The following FRMD4B variants were observed in gnomAD, a reference collection of about 807,000 sequenced individuals.
The protein encoded by FRMD4B is FERM domain containing 4B.
In FRMD4B, 74 loss-of-function variants were observed where a neutral mutation model predicts 141.5. The ratio of observed to expected loss-of-function variants is 0.52; its 90% CI spans 0.43 to 0.63. The LOEUF (loss-of-function observed/expected upper bound fraction) is 0.63, where lower values mean the gene tolerates loss of function less well. Ranked by LOEUF, FRMD4B falls within the 30% of genes least tolerant of loss-of-function variation. FRMD4B has a pLI of 0.00. For missense variants in FRMD4B, 1,366 were observed against 1,253.4 expected (o/e 1.09, Z -1.36); for synonymous variants, 506 against 467.9 (o/e 1.08, Z -1.05).
chr3:69,359,704 T>C (rs1157025813), intron 1 of FRMD4B, among the ~76,000 whole-genome samples: 3 of 152,198 alleles, frequency 2.0e-5, no homozygotes, highest in African/African-American at 4.8e-5. Context: ...GCAGGCATGA[T>C]AGGGGTTTCC....
chr3:69,222,199 G>A (rs1046466535), intron 8 of FRMD4B, among the ~76,000 whole-genome samples: 7 of 152,046 alleles, frequency 4.6e-5, no homozygotes, highest in Admixed American at 3.3e-4. Flanking sequence ...ACAGCCAGGC[G>A]TGGTGGCTCA....
intron 1 of FRMD4B, among the ~76,000 whole-genome samples, chr3:69,372,439 C>T (rs768377447): frequency 2.0e-5 from 3 of 152,250 alleles, no homozygotes; most frequent in African/African-American, 7.2e-5. Flanking sequence ...CTGAAGTGGG[C>T]GGATCACCCG....
intron 1 of FRMD4B, among the ~76,000 whole-genome samples, chr3:69,539,855 G>A (rs1362075564): frequency 6.6e-6 from 1 of 152,136 alleles, no homozygotes; most frequent in Non-Finnish European, 1.5e-5. Flanking sequence ...GTGTGTGTGT[G>A]TGTGCGTGTT....
In FRMD4B at chr3:69,406,598, A is replaced by G. The variant is rs139662251; in HGVS notation, c.-1+26036T>C. 3.0e-4 allele frequency among the ~76,000 whole-genome samples: 46 copies of G among 152,318 alleles called. 1 individual carries two copies. Among genetic ancestry groups the G allele is most frequent in the African/African-American group, 1.0e-3 (43 of 41,580 alleles). On this transcript the variant is annotated intron_variant, in intron 2 of 5. Coordinates refer to the FRMD4B transcript ENST00000459638. ...CTGCCTCCTCGTTTGCAACTTTGCTATCATCTCCTCCTCAAAGGAAGCCGG... is the reference window on the plus strand; with the variant it reads ...CTGCCTCCTCGTTTGCAACTTTGCTGTCATCTCCTCCTCAAAGGAAGCCGG...
chr3:69,175,813 C>T (rs2092638802), intron 22 of FRMD4B, among the ~76,000 whole-genome samples: 1 of 134,936 alleles, frequency 7.4e-6, no homozygotes, highest in Admixed American at 8.3e-5. Context: ...TGGAGTCTCG[C>T]TCTGTCGCCC....
intron 4 of FRMD4B, among the ~76,000 whole-genome samples, chr3:69,288,703 T>C (rs900571756): frequency 6.6e-6 from 1 of 152,220 alleles, no homozygotes; most frequent in African/African-American, 2.4e-5. Context: ...GGAGCATTGC[T>C]TGATTAATAA....
At chr3:69,494,437 A>C (rs1352292896) in intron 1 of FRMD4B, among the ~76,000 whole-genome samples, 1 of 152,222 alleles carries the variant, frequency 6.6e-6, no homozygotes, top group East Asian at 1.9e-4. Flanking sequence ...GCTGATGGCT[A>C]AAAATAGAGA....
chr3:69,495,774 CTG>C (rs1470373018), intron 1 of FRMD4B, among the ~76,000 whole-genome samples: 1 of 152,112 alleles, frequency 6.6e-6, no homozygotes, highest in Admixed American at 6.5e-5. Flanking sequence ...GCTAAAGGGA[CTG>C]TGATGATTTC....
chr3:69,234,052 G>T (rs2093329038), intron 7 of FRMD4B, among the ~76,000 whole-genome samples: 1 of 151,736 alleles, frequency 6.6e-6, no homozygotes, highest in African/African-American at 2.4e-5. Context: ...TTCCAGACCA[G>T]CCTGGCCAAA....
At chr3:69,212,509 G>T (rs1035336166) in intron 11 of FRMD4B, among the ~76,000 whole-genome samples, 7 of 151,868 alleles carry the variant, frequency 4.6e-5, no homozygotes, top group African/African-American at 1.7e-4. Context: ...AAAGGAAGTA[G>T]CTTCTGACCC....
chr3:69,193,081 A>G (rs946061653), intron 17 of FRMD4B, among the ~76,000 whole-genome samples: 1 of 151,376 alleles, frequency 6.6e-6, no homozygotes, highest in African/African-American at 2.4e-5. Context: ...TCAGCCTCCC[A>G]AAGTGCTGGG....
chr3:69,508,445 A>G (rs6807426), intron 1 of FRMD4B, among the ~76,000 whole-genome samples: 1,534 of 152,320 alleles, frequency 0.01, 16 homozygotes, highest in Non-Finnish European at 0.014. Flanking sequence ...GACAAATTAC[A>G]TGGCTTCCAA....
intron 1 of FRMD4B, among the ~76,000 whole-genome samples, chr3:69,478,136 T>C (rs1301503731): frequency 2.6e-5 from 4 of 152,252 alleles, no homozygotes; most frequent in African/African-American, 9.6e-5. Flanking sequence ...TCAATTCTGT[T>C]GATCCTTTCA....
chr3:69,362,693 A>T (rs1362276773), intron 1 of FRMD4B, among the ~76,000 whole-genome samples: 2 of 99,890 alleles, frequency 2.0e-5, no homozygotes, highest in East Asian at 4.4e-4. Flanking sequence ...ACAACAACAA[A>T]AAGCCAACCC....
intron 11 of FRMD4B, among the ~76,000 whole-genome samples, chr3:69,201,681 G>T (rs1451992947): frequency 6.6e-6 from 1 of 152,118 alleles, no homozygotes; most frequent in African/African-American, 2.4e-5. Flanking sequence ...CTCCTACTGT[G>T]TTTTTTATTT....
chr3:69,516,048 G>A (rs1275704088), intron 1 of FRMD4B, among the ~76,000 whole-genome samples: 1 of 151,954 alleles, frequency 6.6e-6, no homozygotes, highest in Non-Finnish European at 1.5e-5. Context: ...AACAAAGAGA[G>A]ACTCCATCTC....
At chr3:69,398,948 G>A (rs929599135) in intron 2 of FRMD4B, among the ~76,000 whole-genome samples, 1 of 151,814 alleles carries the variant, frequency 6.6e-6, no homozygotes, top group Non-Finnish European at 1.5e-5. Flanking sequence ...TAAAGAAATG[G>A]CAATACAATG....
chr3:69,236,128 C>A (rs1182579182), intron 7 of FRMD4B, among the ~76,000 whole-genome samples: 2 of 152,008 alleles, frequency 1.3e-5, no homozygotes, highest in Non-Finnish European at 2.9e-5. Flanking sequence ...TTTCTTGAAC[C>A]ACACCAAACC....
intron 21 of FRMD4B, among the ~76,000 whole-genome samples, chr3:69,180,180 G>C (rs1201719342): frequency 4.0e-5 from 6 of 149,988 alleles, no homozygotes; most frequent in Non-Finnish European, 5.9e-5. Context: ...AGGGTTGCTT[G>C]AGGCCAGGAG....
Sources: gnomAD v4.1 joint callset for allele counts (sites outside exome capture counted in the v4.1 genomes callset) on GRCh38, gnomAD v4.1.1 for gene constraint, MANE v1.5 for transcripts, NCBI Gene and HGNC (gene_info 2026-07-23, HGNC 2026-07-21) for gene names.